Variants in KDM2B observed in about 807,000 individuals in gnomAD.
KDM2B encodes lysine-specific demethylase 2B.
In KDM2B, 26 loss-of-function variants were observed where a neutral mutation model predicts 150.0. The ratio of observed to expected loss-of-function variants is 0.17; its 90% CI spans 0.13 to 0.24. The LOEUF is 0.24. Ranked by LOEUF, KDM2B falls within the 10% of genes least tolerant of loss-of-function variation. The probability of loss-of-function intolerance (pLI) is 1.00; values close to 1 mark genes in which losing one functional copy is unlikely to be tolerated. For synonymous variants in KDM2B, 734 were observed against 729.5 expected, an observed-to-expected ratio of 1.01 and a Z score of -0.10; for missense variants, 1,265 against 1,816.9, an observed-to-expected ratio of 0.70 and a Z score of 5.52.
At chr12:121,445,857 G>C (rs982468408) in intron 13 of KDM2B, among the ~76,000 whole-genome samples, 1 of 152,160 alleles carries the variant, frequency 6.6e-6, no homozygotes, top group Non-Finnish European at 1.5e-5. Context: ...AGATCCATGC[G>C]GATGAGATGA....
intron 22 of KDM2B, chr12:121,433,083 A>AGTT (rs1380498466): frequency 2.2e-6 from 1 of 452,142 alleles, no homozygotes; most frequent in African/African-American, 2.0e-5. Context: ...TCCTTTTCTG[A>AGTT]GTTGTCTTTG....
In KDM2B at chr12:121,442,819, G is replaced by A. The variant is rs782132703; in HGVS notation, c.2622C>T (p.Asn874=). 8 of 1,523,136 alleles carry A rather than the reference G, an allele frequency of 5.3e-6. No homozygotes were observed. The highest frequency in any genetic ancestry group is 4.5e-5 in the East Asian group (2 of 43,976). 94.4% of individuals were successfully genotyped at this position (1,523,136 alleles called of 1,614,324 possible). ...LFRKKRRSWK[N]AEDRMALANK... ...TGGCCAGCGCCATGCGGTCCTCGGC[G>A]TTCTTCCAGGACCGCCGCTGAGGGC... is the stretch of plus-strand genomic sequence containing the variant. Residue 874 remains asparagine, a synonymous_variant, in exon 19 of 23, where the codon AAC becomes AAT. Coordinates refer to ENST00000377071, the MANE Select transcript of KDM2B (RefSeq NM_032590.5). This position sits in a 1 kb window ranked among gnomAD's most constrained non-coding sequence, Gnocchi z 7.7.
At chr12:121,431,879 CTTTTTT>C (rs77237915) in intron 22 of KDM2B, among the ~76,000 whole-genome samples, 48 of 122,394 alleles carry the variant, frequency 3.9e-4, no homozygotes, top group Non-Finnish European at 5.1e-4. Flanking sequence ...TTTCTTTTTT[CTTTTTT>C]TTTTTTTTTT....
Position 121,468,132 on chromosome 12 carries a change from C to T in KDM2B, c.1735-14788G>A, listed in dbSNP as rs1298798690. ...GACAGGTACCGCCTTCTGAGTTGAC[C>T]TCCGAAAGGTGGAGGACGTCGCAGG... is the stretch of plus-strand genomic sequence containing the variant. On this transcript the variant is annotated intron_variant, in intron 12 of 22. Transcript: ENST00000377071. This position sits in a 1 kb window ranked among gnomAD's most constrained non-coding sequence, Gnocchi z 4.0. 1 of 152,242 alleles carries T rather than the reference C, an allele frequency of 6.6e-6. No individual in the cohort carries two copies. Among genetic ancestry groups the T allele is most frequent in the African/African-American group, 2.4e-5 (1 of 41,438 alleles). The allele number at this position is 152,242 out of a possible 1,614,324, so 9.4% of individuals were successfully genotyped here.
At chr12:121,563,360 A>G (rs1890475276) in intron 4 of KDM2B, among the ~76,000 whole-genome samples, 1 of 152,042 alleles carries the variant, frequency 6.6e-6, no homozygotes, top group Non-Finnish European at 1.5e-5. Context: ...TAATCCCAGC[A>G]CTTTGGGAGG....
At chr12:121,458,153 T>C (rs1878549847) in intron 12 of KDM2B, among the ~76,000 whole-genome samples, 1 of 151,432 alleles carries the variant, frequency 6.6e-6, no homozygotes, top group South Asian at 2.1e-4. Flanking sequence ...GAGGCCAAGA[T>C]AGGCAGATCG....
intron 12 of KDM2B, among the ~76,000 whole-genome samples, chr12:121,484,053 A>T (rs1478844594): frequency 1.3e-5 from 2 of 152,134 alleles, no homozygotes; most frequent in Non-Finnish European, 2.9e-5. Flanking sequence ...CCATGGATGG[A>T]AACACTCAAC....
At chr12:121,488,965 C>T (rs562300407) in intron 12 of KDM2B, among the ~76,000 whole-genome samples, 84 of 152,238 alleles carry the variant, frequency 5.5e-4, no homozygotes, top group African/African-American at 1.8e-3. Context: ...TACACCACCA[C>T]GCCAGATAGT....
chr12:121,415,673 A>C, the KDM2B span, among the ~76,000 whole-genome samples: 4 of 152,082 alleles, frequency 2.6e-5, no homozygotes, highest in East Asian at 7.7e-4. Flanking sequence ...GTTAAATAAT[A>C]GCTGAGAAAA....
intron 6 of KDM2B, among the ~76,000 whole-genome samples, chr12:121,545,264 G>A (rs543589600): frequency 4.6e-5 from 7 of 151,964 alleles, no homozygotes; most frequent in African/African-American, 9.7e-5. Flanking sequence ...AACGAGGTTC[G>A]AATCCTCTAA....
At position 121,537,993 on chromosome 12, in the gene KDM2B, C is replaced by G. The variant is rs1325445875; in HGVS notation, c.684-3403G>C. ...TTCGGCTGCGGAGGCTCGACGCGCG[C>G]CCGGCCCCACTCCCGGCGGCAACGC... On this transcript the variant is annotated intron_variant, in intron 6 of 22. Transcript: ENST00000377071. This position sits in a 1 kb window ranked among gnomAD's most constrained non-coding sequence, Gnocchi z 8.7. Among the ~76,000 whole-genome samples, 7 of 150,262 alleles carry G rather than the reference C, an allele frequency of 4.7e-5. No individual in the cohort carries two copies. The highest frequency in any genetic ancestry group is 7.4e-5 in the Non-Finnish European group (5 of 67,250).
At chr12:121,420,365 G>T in the KDM2B span, 1 of 1,554,732 alleles carries the variant, frequency 6.4e-7, no homozygotes, top group South Asian at 1.2e-5. Context: ...TGGTTTCCCT[G>T]ACATGTCAGC....
chr12:121,509,616 C>T lies in KDM2B; in HGVS notation c.1598G>A (p.Cys533Tyr), dbSNP rs782481593. ...GGGGTCCTCGATGCCCTCGGGGACA[C>T]ACTTCTTGTTCTCCGGGAGGGATTC... Reference protein sequence around the residue: ...KLESLPENKKCVPEGIEDPQA... With the variant: ...KLESLPENKKYVPEGIEDPQA... The change falls in exon 11 of 23, where the codon TGT (cysteine) becomes TAT (tyrosine). Residue 533 changes from cysteine (C) to tyrosine (Y), a missense_variant. Around this residue, in one of 11 missense-constraint regions of KDM2B, gnomAD observed 20 missense variants for 49.5 expected, o/e 0.40. Coordinates refer to ENST00000377071, the MANE Select transcript of KDM2B (RefSeq NM_032590.5). 38 of 1,613,720 alleles carry T rather than the reference C, an allele frequency of 2.4e-5. No homozygotes were observed. The highest frequency in any genetic ancestry group is 2.5e-5 in the Non-Finnish European group (29 of 1,180,010).
chr12:121,461,242 C>T (rs370861891), intron 12 of KDM2B, among the ~76,000 whole-genome samples: 7 of 152,108 alleles, frequency 4.6e-5, no homozygotes, highest in Admixed American at 2.6e-4. Context: ...TGTGAAACTG[C>T]GTGACACATT....
intron 4 of KDM2B, among the ~76,000 whole-genome samples, chr12:121,564,916 C>T (rs1890590289): frequency 6.6e-6 from 1 of 152,034 alleles, no homozygotes; most frequent in African/African-American, 2.4e-5. Context: ...GCAGCCTCCG[C>T]CTCTGGGGTT....
At chr12:121,481,441 T>C (rs566344554) in intron 12 of KDM2B, among the ~76,000 whole-genome samples, 57 of 151,318 alleles carry the variant, frequency 3.8e-4, no homozygotes, top group African/African-American at 1.3e-3. Flanking sequence ...CCTTTTTCAA[T>C]AGGTCACCTA....
chr12:121,460,706 C>T (rs782677429), intron 12 of KDM2B, among the ~76,000 whole-genome samples: 1 of 152,114 alleles, frequency 6.6e-6, no homozygotes, highest in African/African-American at 2.4e-5. Context: ...TCGAACCTGG[C>T]CAAAAGGTAA....
At chr12:121,519,970 G>A (rs370221282) in intron 9 of KDM2B, among the ~76,000 whole-genome samples, 184 of 152,212 alleles carry the variant, frequency 1.2e-3, no homozygotes, top group African/African-American at 4.2e-3. Flanking sequence ...TCGGTTCACT[G>A]CAACCTCCGC....
intron 4 of KDM2B, among the ~76,000 whole-genome samples, chr12:121,569,019 T>A (rs1314220382): frequency 6.6e-6 from 1 of 152,188 alleles, no homozygotes; most frequent in Admixed American, 6.5e-5. Flanking sequence ...CCACGTCCCG[T>A]GGTGCAGTGC....
Sources: allele counts gnomAD v4.1 joint callset (sites outside exome capture counted in the v4.1 genomes callset), GRCh38; gene constraint gnomAD v4.1.1; regional missense constraint gnomAD v4.1.1; non-coding constraint Gnocchi (gnomAD v3.1); transcripts MANE v1.5; gene names NCBI Gene and HGNC (gene_info 2026-07-23, HGNC 2026-07-21).